The following STAT3 variants were observed in gnomAD, a reference collection of about 807,000 sequenced individuals.
The protein encoded by STAT3 is DNA-binding protein APRF.
STAT3 carries 7 observed loss-of-function variants against 114.3 expected under a neutral mutation model. That is an observed-to-expected ratio of 0.06 (90% confidence interval 0.03 to 0.11). The LOEUF (loss-of-function observed/expected upper bound fraction) is 0.11. Ranked by LOEUF, STAT3 falls within the 10% of genes least tolerant of loss-of-function variation. STAT3 has a pLI of 1.00. For missense variants in STAT3, 364 were observed against 960.9 expected (o/e 0.38, Z 8.21); for synonymous variants, 331 against 354.5 (o/e 0.93, Z 0.74).
In STAT3 at chr17:42,346,602, C is replaced by G. The variant is rs2082710269; in HGVS notation, c.240G>C (p.Gln80His). Residue 80 changes from glutamine (Q) to histidine (H), a missense_variant, in exon 3 of 24, where the codon CAG (glutamine) becomes CAC (histidine). Around this residue, in one of 5 missense-constraint regions of STAT3, gnomAD observed 294 missense variants for 745.1 expected, o/e 0.39. Transcript: ENST00000264657. Reference sequence around the variant, plus strand: ...ACTGCTTGATTCTTCGTAGATTGTGCTGATAGAGAACATTCGACTCTTGCA... The same window carrying G: ...ACTGCTTGATTCTTCGTAGATTGTGGTGATAGAGAACATTCGACTCTTGCA... ...RFLQESNVLY[Q>H]HNLRRIKQFL... 1 of 1,614,022 alleles carries G rather than the reference C, an allele frequency of 6.2e-7. No homozygotes were observed. The highest frequency in any genetic ancestry group is 1.3e-5 in the African/African-American group (1 of 74,906).
At position 42,315,567 on chromosome 17, in the gene STAT3, T is replaced by G. The variant is rs1284206204; in HGVS notation, c.*178A>C. 1.8e-5 allele frequency: 12 copies of G among 672,502 alleles called. No homozygotes were observed. The highest frequency in any genetic ancestry group is 3.2e-5 in the Non-Finnish European group (12 of 376,384). The allele number at this position is 672,502 out of a possible 1,614,324, so 41.7% of individuals were successfully genotyped here. ...AAAGCAGATCACCCACATTCACTCA[T>G]TTCTCTATTTTTAAAAGTGCCCAGA... On this transcript the variant is annotated 3_prime_UTR_variant, in exon 24 of 24. Coordinates refer to ENST00000264657, the MANE Select transcript of STAT3 (RefSeq NM_139276.3).
chr17:42,336,970 C>G (rs1250260870), intron 8 of STAT3, among the ~76,000 whole-genome samples: 1 of 151,484 alleles, frequency 6.6e-6, no homozygotes, highest in Non-Finnish European at 1.5e-5. Context: ...AAAGTAAAAA[C>G]TTTATTTTAT....
intron 12 of STAT3, 47 bp downstream of exon 12, chr17:42,329,700 G>A (rs2144776896): frequency 6.2e-7 from 1 of 1,614,110 alleles, no homozygotes; most frequent in Non-Finnish European, 8.5e-7. Flanking sequence ...GCCGGAGGAT[G>A]AAGTTAGGTT....
chr17:42,345,803 A>G, intron 3 of STAT3, 146 bp from the exon 4 acceptor site: 1 of 818,642 alleles, frequency 1.2e-6, no homozygotes, highest in Admixed American at 2.1e-5. Context: ...GCCTGGGTGA[A>G]GGCTCTCTGT....
chr17:42,320,508 T>A (rs897488841), intron 21 of STAT3, among the ~76,000 whole-genome samples: 1 of 152,082 alleles, frequency 6.6e-6, no homozygotes, highest in Non-Finnish European at 1.5e-5. Flanking sequence ...AGTGGGCAGA[T>A]CACCTGAGGT....
At chr17:42,317,092 T>A in intron 22 of STAT3, 90 bp downstream of exon 22, 2 of 1,599,242 alleles carry the variant, frequency 1.3e-6, no homozygotes, top group Non-Finnish European at 1.7e-6. Context: ...TTCCAACCTT[T>A]GGCAGATTAA....
chr17:42,337,732 A>G lies in STAT3; in HGVS notation c.645+31T>C, dbSNP rs770086839. ...GAAATCCCGCAAGTGAGCGAGACAC[A>G]TGGGGGAAGTGGTCCGACCTATGCC... On this transcript the variant is annotated intron_variant, in intron 7 of 23. Coordinates refer to ENST00000264657, the MANE Select transcript of STAT3 (RefSeq NM_139276.3). This position sits in a 1 kb window ranked among gnomAD's most constrained non-coding sequence, Gnocchi z 4.0. 1.2e-6 allele frequency: 2 copies of G among 1,613,098 alleles called. No homozygotes were observed. Among genetic ancestry groups the G allele is most frequent in the Non-Finnish European group, 1.7e-6 (2 of 1,179,164 alleles).
rs1002925540 is a variant in STAT3 at position 42,314,772 on chromosome 17, C to T, written c.*973G>A. On this transcript the variant is annotated 3_prime_UTR_variant, in exon 24 of 24. Transcript: ENST00000264657. ...TGTCTTAAGGGTTTGACCTGAAGCCCGTTTCAGGGATTATATAAATTACCA... is the reference window on the plus strand; with the variant it reads ...TGTCTTAAGGGTTTGACCTGAAGCCTGTTTCAGGGATTATATAAATTACCA... The T allele has an allele frequency of 6.1e-5, 13 of 212,416 alleles. No individual in the cohort carries two copies. Among genetic ancestry groups the T allele is most frequent in the African/African-American group, 2.0e-4 (9 of 44,072 alleles). The allele number at this position is 212,416 out of a possible 1,614,324, so 13.2% of individuals were successfully genotyped here. A position where few individuals can be genotyped will look rare whatever the true frequency, so the allele number is the denominator to read the frequency against.
intron 4 of STAT3, among the ~76,000 whole-genome samples, chr17:42,339,768 A>C (rs1321678566): frequency 2.0e-5 from 3 of 152,192 alleles, no homozygotes; most frequent in Admixed American, 6.5e-5. Flanking sequence ...AATAAAAAAA[A>C]AGTCCTGCCC....
At position 42,348,391 on chromosome 17, in the gene STAT3, A is replaced by G. The variant is rs2082792857; in HGVS notation, c.126T>C (p.Asp42=). ...AGAGTCACTTAAGAAGGACTTACCAATCTTGACTCTCAATCCAAGGGGCCA... is the reference window on the plus strand; with the variant it reads ...AGAGTCACTTAAGAAGGACTTACCAGTCTTGACTCTCAATCCAAGGGGCCA... ...QFLAPWIESQ[D]WAYAASKESH... Residue 42 remains aspartate (D), a splice_region_variant and synonymous_variant, in exon 2 of 24, where the codon GAT becomes GAC. Coordinates refer to ENST00000264657, the MANE Select transcript of STAT3 (RefSeq NM_139276.3). The G allele has an allele frequency of 6.2e-7, 1 of 1,614,108 alleles. No homozygotes were observed. Among genetic ancestry groups the G allele is most frequent in the Non-Finnish European group, 8.5e-7 (1 of 1,180,014 alleles).
chr17:42,349,557 A>C (rs1273963886), intron 1 of STAT3, among the ~76,000 whole-genome samples: 1 of 152,234 alleles, frequency 6.6e-6, no homozygotes, highest in African/African-American at 2.4e-5. Context: ...TCTCCTACTC[A>C]ACAAATAATA....
In STAT3 at chr17:42,314,643, C is replaced by T; in HGVS notation, c.*1102G>A. The stretch of plus-strand genomic sequence containing the variant: ...AGCCTTACTCACTAAAAGGCCAATA[C>T]ATTACAAAGGAAAATAAGTCTATTT... On this transcript the variant is annotated 3_prime_UTR_variant, in exon 24 of 24. Coordinates refer to ENST00000264657, the MANE Select transcript of STAT3 (RefSeq NM_139276.3). 1 of 229,302 alleles carries T rather than the reference C, an allele frequency of 4.4e-6. No individual in the cohort carries two copies. The highest frequency in any genetic ancestry group is 6.2e-5 in the East Asian group (1 of 16,148). The allele number at this position is 229,302 out of a possible 1,614,324, so 14.2% of individuals were successfully genotyped here.
At chr17:42,347,156 C>A (rs2082734709) in intron 2 of STAT3, among the ~76,000 whole-genome samples, 1 of 139,006 alleles carries the variant, frequency 7.2e-6, no homozygotes, top group African/African-American at 2.8e-5. Flanking sequence ...CACTGCACTC[C>A]AGCCTGGGCT....
In STAT3 at chr17:42,313,856, C is replaced by G. The variant is rs1395759446; in HGVS notation, c.*1889G>C. The G allele has an allele frequency of 3.0e-5, 7 of 232,856 alleles. No homozygotes were observed. The highest frequency in any genetic ancestry group is 5.1e-5 in the Non-Finnish European group (6 of 117,540). The allele number at this position is 232,856 out of a possible 1,614,324, so 14.4% of individuals were successfully genotyped here. A position where few individuals can be genotyped will look rare whatever the true frequency, so the allele number is the denominator to read the frequency against. ...GAGCTCTGCATGACACATCAACTGTCTCCAGGCAGGAGGACTGGGGCGAAC... is the reference window on the plus strand; with the variant it reads ...GAGCTCTGCATGACACATCAACTGTGTCCAGGCAGGAGGACTGGGGCGAAC... On this transcript the variant is annotated 3_prime_UTR_variant, in exon 24 of 24. Coordinates refer to ENST00000264657, the MANE Select transcript of STAT3 (RefSeq NM_139276.3).
chr17:42,324,399 A>G lies in STAT3; in HGVS notation c.1600+312T>C, dbSNP rs912403839. On this transcript the variant is annotated intron_variant, in intron 17 of 23. Coordinates refer to ENST00000264657, the MANE Select transcript of STAT3 (RefSeq NM_139276.3). The surrounding 1 kb of genome is among the most constrained non-coding windows in gnomAD (Gnocchi z 4.5). ...ATTAAAAAAATGGACAGGGAATGTC[A>G]AGCCTTTAGTGCCACCTTCCAACAC... 2.0e-5 allele frequency among the ~76,000 whole-genome samples: 3 copies of G among 152,190 alleles called. No homozygotes were observed. The highest frequency in any genetic ancestry group is 4.4e-5 in the Non-Finnish European group (3 of 68,044).
At chr17:42,330,423 CTCTTT>C (rs1279931801) in intron 11 of STAT3, among the ~76,000 whole-genome samples, 54 of 139,566 alleles carry the variant, frequency 3.9e-4, no homozygotes, top group African/African-American at 1.3e-3. Flanking sequence ...GCCACATTTT[CTCTTT>C]TCTTTTCTTT....
At chr17:42,351,248 ATTTATTT>A (rs1156465814) in intron 1 of STAT3, among the ~76,000 whole-genome samples, 7 of 151,750 alleles carry the variant, frequency 4.6e-5, no homozygotes, top group African/African-American at 1.7e-4. Context: ...ACATATTATT[ATTTATTT>A]ATTTATTTTT....
chr17:42,345,713 C>T, intron 3 of STAT3, 56 bp from the exon 4 acceptor site: 1 of 1,463,792 alleles, frequency 6.8e-7, no homozygotes, highest in Non-Finnish European at 9.4e-7. Flanking sequence ...GAGATGTGGA[C>T]TGAACTGTGG....
chr17:42,367,981 G>A (rs1225030659), intron 1 of STAT3, among the ~76,000 whole-genome samples: 1 of 152,160 alleles, frequency 6.6e-6, no homozygotes, highest in Non-Finnish European at 1.5e-5. Context: ...GTACAATAAT[G>A]CATGCAAATG....
Sources: gnomAD v4.1 joint callset for allele counts (sites outside exome capture counted in the v4.1 genomes callset) on GRCh38, gnomAD v4.1.1 for gene constraint, gnomAD v4.1.1 regional missense constraint, Gnocchi (gnomAD v3.1) non-coding constraint, MANE v1.5 for transcripts, NCBI Gene and HGNC (gene_info 2026-07-23, HGNC 2026-07-21) for gene names.